The following FGGY variants were observed in gnomAD, a reference collection of about 807,000 sequenced individuals.
The protein encoded by FGGY is FGGY carbohydrate kinase domain containing.
A neutral mutation model predicts 71.3 loss-of-function variants in FGGY; 72 were observed. The ratio of observed to expected loss-of-function variants is 1.01; its 90% confidence interval spans 0.84 to 1.23. The LOEUF is 1.23. FGGY is among the 50% of genes most tolerant of loss of function. The probability of loss-of-function intolerance (pLI) is 0.00; values close to 1 mark genes in which losing one functional copy is unlikely to be tolerated. For synonymous variants in FGGY, 251 were observed against 250.3 expected (o/e 1.00, Z -0.02); for missense variants, 668 against 682.3 (o/e 0.98, Z 0.23).
intron 6 of FGGY, among the ~76,000 whole-genome samples, chr1:59,481,526 A>G (rs1466260850): frequency 6.6e-6 from 1 of 152,074 alleles, no homozygotes; most frequent in Non-Finnish European, 1.5e-5. Context: ...TCAAGAGGGG[A>G]GTAAAAGGGC....
intron 8 of FGGY, among the ~76,000 whole-genome samples, chr1:59,562,180 G>A (rs929867607): frequency 6.6e-6 from 1 of 152,098 alleles, no homozygotes; most frequent in East Asian, 1.9e-4. Context: ...GTACAGTAAT[G>A]TTCATACCAA....
intron 13 of FGGY, among the ~76,000 whole-genome samples, chr1:59,671,932 C>T (rs2097382081): frequency 6.6e-6 from 1 of 152,162 alleles, no homozygotes; most frequent in African/African-American, 2.4e-5. Flanking sequence ...TCACTCACAT[C>T]TCTGGTTCGC....
intron 14 of FGGY, among the ~76,000 whole-genome samples, chr1:59,720,958 A>T (rs1258015822): frequency 6.6e-6 from 1 of 152,154 alleles, no homozygotes; most frequent in Non-Finnish European, 1.5e-5. Context: ...CCATTCACTG[A>T]GCACACTTCC....
At chr1:59,544,850 CTG>C (rs758948893) in intron 7 of FGGY, among the ~76,000 whole-genome samples, 48 of 152,344 alleles carry the variant, frequency 3.2e-4, no homozygotes, top group Admixed American at 1.1e-3. Flanking sequence ...CTCCTTCAGA[CTG>C]TGTAGCTCAA....
intron 7 of FGGY, among the ~76,000 whole-genome samples, chr1:59,549,012 C>A (rs896267957): frequency 6.6e-6 from 1 of 152,148 alleles, no homozygotes; most frequent in South Asian, 2.1e-4. Flanking sequence ...AATACTAACT[C>A]AATATATTGT....
intron 14 of FGGY, among the ~76,000 whole-genome samples, chr1:59,753,655 C>T (rs145961552): frequency 1.2e-3 from 188 of 150,770 alleles, no homozygotes; most frequent in African/African-American, 4.2e-3. Context: ...TATATTGATC[C>T]GATCTTTATT....
chr1:59,323,645 A>G (rs2046803183), intron 2 of FGGY, among the ~76,000 whole-genome samples: 1 of 152,232 alleles, frequency 6.6e-6, no homozygotes, highest in African/African-American at 2.4e-5. Flanking sequence ...CATCCCACTT[A>G]CAACGTTTAT....
chr1:59,367,625 C>T (rs1260019872), intron 4 of FGGY, among the ~76,000 whole-genome samples: 3 of 152,222 alleles, frequency 2.0e-5, no homozygotes, highest in Non-Finnish European at 4.4e-5. Flanking sequence ...CCTATCTTCT[C>T]ATGTTGCCCC....
chr1:59,462,329 C>A (rs1241447966), intron 6 of FGGY, among the ~76,000 whole-genome samples: 4 of 152,136 alleles, frequency 2.6e-5, no homozygotes, highest in African/African-American at 9.7e-5. Flanking sequence ...AAAGACTTAA[C>A]CGTTAGACCT....
At chr1:59,753,097 A>G (rs187783072) in intron 14 of FGGY, among the ~76,000 whole-genome samples, 64 of 152,240 alleles carry the variant, frequency 4.2e-4, no homozygotes, top group Middle Eastern at 3.4e-3. Context: ...CGTGCTGCAA[A>G]TTAAGATTGT....
At chr1:59,578,041 C>T (rs1480217727) in intron 8 of FGGY, among the ~76,000 whole-genome samples, 1 of 152,134 alleles carries the variant, frequency 6.6e-6, no homozygotes, top group African/African-American at 2.4e-5. Flanking sequence ...TGCTAAACGT[C>T]ACCCTGAGGA....
intron 5 of FGGY, among the ~76,000 whole-genome samples, chr1:59,402,380 G>A (rs922565433): frequency 1.6e-4 from 24 of 152,150 alleles, no homozygotes; most frequent in African/African-American, 5.6e-4. Context: ...AAAGATGTAG[G>A]ACCAAGAGTG....
chr1:59,388,192 C>T (rs1292556158), intron 5 of FGGY, among the ~76,000 whole-genome samples: 2 of 152,072 alleles, frequency 1.3e-5, no homozygotes, highest in Admixed American at 1.3e-4. Context: ...TATCTCAAGT[C>T]TAGCAGCTTA....
At chr1:59,645,766 A>C (rs755132415) in intron 11 of FGGY, among the ~76,000 whole-genome samples, 1 of 152,232 alleles carries the variant, frequency 6.6e-6, no homozygotes, top group African/African-American at 2.4e-5. Context: ...CCTTGGAGAC[A>C]TATCAGGCCC....
intron 7 of FGGY, among the ~76,000 whole-genome samples, chr1:59,550,555 C>T (rs1426895773): frequency 6.6e-6 from 1 of 152,130 alleles, no homozygotes; most frequent in Non-Finnish European, 1.5e-5. Flanking sequence ...GATACCTCAG[C>T]TTGTATTTTA....
At chr1:59,415,395 A>G (rs1300686095) in intron 5 of FGGY, among the ~76,000 whole-genome samples, 1 of 152,212 alleles carries the variant, frequency 6.6e-6, no homozygotes, top group Non-Finnish European at 1.5e-5. Context: ...AGAAAACCAG[A>G]CATCCATAAG....
chr1:59,544,018 A>G (rs12739957), intron 7 of FGGY, among the ~76,000 whole-genome samples: 25,499 of 152,212 alleles, frequency 0.17, 2,547 homozygotes, highest in South Asian at 0.34. Flanking sequence ...AGGATGAGCA[A>G]CTATTCCAGT....
intron 5 of FGGY, chr1:59,393,394 A>G (rs1431864575): frequency 6.6e-6 from 1 of 152,166 alleles, no homozygotes; most frequent in Non-Finnish European, 1.5e-5. Context: ...GTCATTTTGA[A>G]TTTAAGGAGT....
At chr1:59,623,330 C>A (rs2096827872) in intron 9 of FGGY, among the ~76,000 whole-genome samples, 1 of 152,122 alleles carries the variant, frequency 6.6e-6, no homozygotes, top group Admixed American at 6.6e-5. Context: ...CACTGTCTGC[C>A]TTCGCCCTCT....
Sources: gnomAD v4.1 joint callset for allele counts (sites outside exome capture counted in the v4.1 genomes callset) on GRCh38, gnomAD v4.1.1 for gene constraint, MANE v1.5 for transcripts, NCBI Gene and HGNC (gene_info 2026-07-23, HGNC 2026-07-21) for gene names.